Variants in AHCTF1 observed in about 807,000 individuals in gnomAD.
The protein encoded by AHCTF1 is AT-hook containing transcription factor 1.
Under a neutral mutation model 248.4 loss-of-function variants are expected in AHCTF1, and 24 were observed. The ratio of observed to expected loss-of-function variants is 0.10; its 90% CI spans 0.07 to 0.14. AHCTF1 has a LOEUF of 0.14. Among genes scored for constraint, AHCTF1 ranks in the 10% least tolerant of loss-of-function variants. The pLI, the probability that AHCTF1 is intolerant of heterozygous loss-of-function variation, is 1.00. For missense variants in AHCTF1, 2,206 were observed against 2,636.2 expected, an observed-to-expected ratio of 0.84 and a Z score of 3.57; for synonymous variants, 786 against 929.8, an observed-to-expected ratio of 0.85 and a Z score of 2.81.
At chr1:246,867,897 C>CG in intron 24 of AHCTF1, 86 bp from the exon 25 acceptor site, 1 of 568,906 alleles carries the variant, frequency 1.8e-6, no homozygotes. Flanking sequence ...TTACACCCCC[C>CG]CCCCCACACA....
intron 8 of AHCTF1, among the ~76,000 whole-genome samples, chr1:246,901,636 C>A (rs888495605): frequency 3.7e-4 from 56 of 151,788 alleles, no homozygotes; most frequent in Admixed American, 6.6e-4. Context: ...CAAAAAAAAA[C>A]AAAACACCCT....
intron 19 of AHCTF1, among the ~76,000 whole-genome samples, chr1:246,887,610 T>A (rs1663915692): frequency 1.3e-5 from 2 of 152,222 alleles, no homozygotes; most frequent in Admixed American, 1.3e-4. Context: ...AAGCGTATTT[T>A]TATGAAGTCA....
At chr1:246,849,140 T>A (rs1660506034) in intron 33 of AHCTF1, among the ~76,000 whole-genome samples, 1 of 152,158 alleles carries the variant, frequency 6.6e-6, no homozygotes, top group African/African-American at 2.4e-5. Context: ...TCACTGAAGA[T>A]GAGGGCATGT....
chr1:246,857,323 T>C (rs943743617), intron 30 of AHCTF1, among the ~76,000 whole-genome samples: 1 of 151,540 alleles, frequency 6.6e-6, no homozygotes, highest in Non-Finnish European at 1.5e-5. Context: ...TAAAACTGTC[T>C]GTCATCTCCC....
intron 24 of AHCTF1, among the ~76,000 whole-genome samples, chr1:246,868,894 G>T (rs1440143931): frequency 4.0e-5 from 6 of 148,822 alleles, no homozygotes; most frequent in African/African-American, 7.6e-5. Flanking sequence ...ACCCAGGTTG[G>T]AGTGCAGTGG....
intron 33 of AHCTF1, among the ~76,000 whole-genome samples, chr1:246,845,260 A>G (rs2103031289): frequency 6.6e-6 from 1 of 152,216 alleles, no homozygotes. Flanking sequence ...GTGGGTACAC[A>G]GTAGGTGTAT....
At position 246,842,854 on chromosome 1, in the gene AHCTF1, A is replaced by G. The variant is rs540535301; in HGVS notation, c.6526-78T>C. On this transcript the variant is annotated intron_variant, in intron 34 of 35. Transcript: ENST00000648844. ...AAACTTCTATCCTGAGACAAGGAAT[A>G]CTAGAGCCAAACACTGATGAATTCA... The G allele has an allele frequency of 2.6e-4, 342 of 1,296,498 alleles. 4 individuals are homozygous for G. In the South Asian group the frequency reaches 4.0e-3, roughly 15 times the overall value. The allele number at this position is 1,296,498 out of a possible 1,614,324, so 80.3% of individuals were successfully genotyped here.
chr1:246,907,004 T>A (rs1184090985), intron 5 of AHCTF1, among the ~76,000 whole-genome samples: 1 of 152,154 alleles, frequency 6.6e-6, no homozygotes, highest in Non-Finnish European at 1.5e-5. Flanking sequence ...TTCTGAGAAA[T>A]GCTCGTCAGG....
intron 2 of AHCTF1, among the ~76,000 whole-genome samples, 188 bp downstream of exon 2, chr1:246,918,058 CCAAT>C (rs1178501929): frequency 3.3e-5 from 5 of 152,138 alleles, no homozygotes; most frequent in African/African-American, 1.2e-4. Context: ...TATAACCCCC[CCAAT>C]CAGAGGTTCA....
intron 21 of AHCTF1, among the ~76,000 whole-genome samples, chr1:246,884,846 T>G (rs932138725): frequency 6.6e-6 from 1 of 152,146 alleles, no homozygotes. Flanking sequence ...AATGACAAAA[T>G]TGAAATACAA....
rs768264458 is a variant in AHCTF1, at chr1:246,845,579, T to A, written c.6392-1651A>T. 1.2e-4 allele frequency among the ~76,000 whole-genome samples: 19 copies of A among 152,338 alleles called. No individual in the cohort carries two copies. The Middle Eastern group carries it at 0.01, about 82-fold the overall frequency. ...AAACGATTTATTTCACTTTTCGTAATCTTCACCTAAGCTTTCCTACTCCAT... is the reference window on the plus strand; with the variant it reads ...AAACGATTTATTTCACTTTTCGTAAACTTCACCTAAGCTTTCCTACTCCAT... On this transcript the variant is annotated intron_variant, in intron 33 of 35. Coordinates refer to ENST00000648844, the MANE Select transcript of AHCTF1 (RefSeq NM_001323342.2).
chr1:246,922,937 T>C (rs560276265), intron 1 of AHCTF1, among the ~76,000 whole-genome samples: 80 of 142,316 alleles, frequency 5.6e-4, no homozygotes, highest in African/African-American at 1.5e-3. Context: ...GAGCCGAGAT[T>C]GCACCACTGC....
intron 32 of AHCTF1, among the ~76,000 whole-genome samples, chr1:246,852,649 T>C (rs1199301361): frequency 6.6e-6 from 1 of 152,206 alleles, no homozygotes; most frequent in African/African-American, 2.4e-5. Context: ...ATATATGATC[T>C]TATGACTAAA....
chr1:246,842,572 ACT>A (rs1482998627), intron 35 of AHCTF1, 120 bp downstream of exon 35: 3 of 698,224 alleles, frequency 4.3e-6, no homozygotes, highest in African/African-American at 1.9e-5. Context: ...ACAGACCGAG[ACT>A]CTGTCTCAAA....
chr1:246,877,015 G>A lies in AHCTF1; in HGVS notation c.2872C>T (p.His958Tyr). 4 of 1,612,072 alleles carry A rather than the reference G, an allele frequency of 2.5e-6. No homozygotes were observed. Among genetic ancestry groups the A allele is most frequent in the Non-Finnish European group, 1.7e-6 (2 of 1,179,940 alleles). ...VQNHEFLLVH[H>Y]LQRANYVPAL... is the part of the protein sequence containing the mutation. The stretch of plus-strand genomic sequence containing the variant: ...GGCACATAATTGGCACGCTGCAAAT[G>A]GTGCACTAAAAGGAATTCATGATTC... Residue 958 changes from histidine (H) to tyrosine (Y), a missense_variant, in exon 23 of 36, where the codon CAT becomes TAT. His to Tyr is a moderately conservative substitution (Grantham distance 83). Transcript: ENST00000648844.
At chr1:246,876,298 A>T (rs1662960398) in intron 23 of AHCTF1, 111 bp from the exon 24 acceptor site, 2 of 931,156 alleles carry the variant, frequency 2.1e-6, no homozygotes, top group African/African-American at 3.4e-5. Context: ...TCTTCCCCCT[A>T]CCTACATATC....
chr1:246,899,941 TCC>T, intron 10 of AHCTF1, 122 bp downstream of exon 10: 1 of 922,110 alleles, frequency 1.1e-6, no homozygotes, highest in Non-Finnish European at 1.6e-6. Flanking sequence ...TCCTAAGTTA[TCC>T]ATATGTTAAC....
intron 33 of AHCTF1, among the ~76,000 whole-genome samples, chr1:246,847,468 C>T (rs1223659542): frequency 1.3e-5 from 2 of 152,076 alleles, no homozygotes; most frequent in African/African-American, 4.8e-5. Context: ...GGATTATATA[C>T]TTCTATTTTA....
chr1:246,909,079 A>ATATC (rs10657928), intron 4 of AHCTF1, among the ~76,000 whole-genome samples: 50,168 of 143,088 alleles, frequency 0.35, 9,444 homozygotes, highest in African/African-American at 0.47. Context: ...ATATATATCT[A>ATATC]TATCTATCTA....
Sources: allele counts gnomAD v4.1 joint callset (sites outside exome capture counted in the v4.1 genomes callset), GRCh38; gene constraint gnomAD v4.1.1; transcripts MANE v1.5; gene names NCBI Gene and HGNC (gene_info 2026-07-23, HGNC 2026-07-21).